The following CADPS variants were observed in gnomAD, a reference collection of about 807,000 sequenced individuals.
The protein encoded by CADPS is calcium-dependent secretion activator 1.
CADPS carries 57 observed loss-of-function variants against 167.3 expected under a neutral mutation model. The observed-to-expected ratio is 0.34, with a 90% CI of 0.28 to 0.42. The LOEUF is 0.42. Ranked by LOEUF, CADPS falls within the 20% of genes least tolerant of loss-of-function variation. CADPS has a pLI of 1.00. For synonymous variants in CADPS, 676 were observed against 635.3 expected (o/e 1.06, Z -0.96); for missense variants, 1,414 against 1,738.1 (o/e 0.81, Z 3.32).
intron 6 of CADPS, among the ~76,000 whole-genome samples, chr3:62,611,169 C>T (rs1050776940): frequency 6.6e-6 from 1 of 152,164 alleles, no homozygotes; most frequent in Non-Finnish European, 1.5e-5. Flanking sequence ...TCTTCCCCAT[C>T]CCAAACCTAC....
chr3:62,529,671 C>A (rs1490331839), intron 13 of CADPS, among the ~76,000 whole-genome samples: 2 of 152,164 alleles, frequency 1.3e-5, no homozygotes, highest in African/African-American at 4.8e-5. Context: ...CCTATTGGAC[C>A]CGCATATACT....
chr3:62,794,796 A>G (rs2093274787), intron 1 of CADPS, among the ~76,000 whole-genome samples: 1 of 151,648 alleles, frequency 6.6e-6, no homozygotes, highest in Non-Finnish European at 1.5e-5. Flanking sequence ...AAAAAAAAAA[A>G]AAAAAAATGC....
intron 3 of CADPS, among the ~76,000 whole-genome samples, chr3:62,677,240 C>T (rs895153560): frequency 6.6e-6 from 1 of 152,002 alleles, no homozygotes; most frequent in South Asian, 2.1e-4. Flanking sequence ...CAAGTCTCCC[C>T]CAACCAGTCT....
chr3:62,471,481 G>A (rs996563172), intron 24 of CADPS, among the ~76,000 whole-genome samples: 5 of 152,088 alleles, frequency 3.3e-5, no homozygotes, highest in Middle Eastern at 3.2e-3. Context: ...GTTTGTGACA[G>A]CAACTCCCAC....
At chr3:62,475,087 A>G (rs2061097591) in intron 23 of CADPS, among the ~76,000 whole-genome samples, 1 of 152,244 alleles carries the variant, frequency 6.6e-6, no homozygotes, top group Non-Finnish European at 1.5e-5. Context: ...CTTAATATAC[A>G]TATACAAATT....
At position 62,667,018 on chromosome 3, in the gene CADPS, C is replaced by T. The variant is rs188642691; in HGVS notation, c.889-4624G>A. On this transcript the variant is annotated intron_variant, in intron 3 of 29. Coordinates refer to ENST00000383710, the MANE Select transcript of CADPS (RefSeq NM_003716.4). ...GCTGCATTGTCCAAGGGAAGTCAGA[C>T]CGACTTGGTTCCAATCTTGTTTTTT... Among the ~76,000 whole-genome samples, 144 of 149,190 alleles carry T rather than the reference C, an allele frequency of 9.7e-4. 1 individual carries two copies. The highest frequency in any genetic ancestry group is 3.5e-3 in the African/African-American group (144 of 40,644).
intron 21 of CADPS, among the ~76,000 whole-genome samples, chr3:62,485,696 T>C (rs1424596669): frequency 6.6e-6 from 1 of 152,194 alleles, no homozygotes; most frequent in Non-Finnish European, 1.5e-5. Flanking sequence ...CTTTAACAAA[T>C]ATGGCAATTA....
chr3:62,814,754 G>T (rs1479622737), intron 1 of CADPS, among the ~76,000 whole-genome samples: 2 of 152,058 alleles, frequency 1.3e-5, no homozygotes, highest in Non-Finnish European at 2.9e-5. Flanking sequence ...ATGAAGCTAG[G>T]GTATGCTTTA....
intron 13 of CADPS, among the ~76,000 whole-genome samples, chr3:62,518,976 T>A (rs1468377698): frequency 6.6e-6 from 1 of 152,186 alleles, no homozygotes; most frequent in Non-Finnish European, 1.5e-5. Context: ...CTTAAATAAA[T>A]GATTTCAGTT....
At chr3:62,534,898 C>T (rs967796716) in intron 12 of CADPS, among the ~76,000 whole-genome samples, 2 of 151,952 alleles carry the variant, frequency 1.3e-5, no homozygotes, top group African/African-American at 2.4e-5. Flanking sequence ...TAATTTTAAG[C>T]CTATAAGTAA....
intron 28 of CADPS, among the ~76,000 whole-genome samples, chr3:62,426,671 A>T (rs1020363313): frequency 1.3e-5 from 2 of 152,216 alleles, no homozygotes; most frequent in Non-Finnish European, 1.5e-5. Flanking sequence ...CCGATGTCAC[A>T]CAGCTAGTAA....
intron 9 of CADPS, among the ~76,000 whole-genome samples, 173 bp downstream of exon 9, chr3:62,570,699 T>C (rs1183939221): frequency 6.6e-6 from 1 of 152,202 alleles, no homozygotes. Flanking sequence ...CCTTTGGGTA[T>C]TGGAAATGTT....
intron 3 of CADPS, among the ~76,000 whole-genome samples, chr3:62,733,113 CA>C (rs2078254138): frequency 6.6e-6 from 1 of 152,158 alleles, no homozygotes; most frequent in Non-Finnish European, 1.5e-5. Flanking sequence ...AGCATACTTC[CA>C]ATTAACTTTC....
intron 7 of CADPS, among the ~76,000 whole-genome samples, chr3:62,591,784 T>C (rs964390359): frequency 1.3e-5 from 2 of 152,148 alleles, no homozygotes; most frequent in South Asian, 2.1e-4. Context: ...GATGTTTTGA[T>C]TGACAAAATA....
chr3:62,591,110 G>C (rs567960098), intron 7 of CADPS, among the ~76,000 whole-genome samples: 1 of 152,088 alleles, frequency 6.6e-6, no homozygotes, highest in Non-Finnish European at 1.5e-5. Flanking sequence ...CACCCGCCTC[G>C]GCCTCCTAAT....
intron 10 of CADPS, among the ~76,000 whole-genome samples, chr3:62,551,396 G>T (rs1481675676): frequency 6.6e-6 from 1 of 152,134 alleles, no homozygotes; most frequent in Non-Finnish European, 1.5e-5. Flanking sequence ...TCCATCTCCA[G>T]TTGCGGCCAT....
intron 1 of CADPS, among the ~76,000 whole-genome samples, chr3:62,862,980 T>G (rs1291066095): frequency 3.3e-5 from 5 of 152,256 alleles, no homozygotes; most frequent in Admixed American, 1.3e-4. Flanking sequence ...AATGAAGCAA[T>G]GAGATAATCT....
chr3:62,476,858 C>T (rs901213573), intron 23 of CADPS, among the ~76,000 whole-genome samples: 1 of 152,106 alleles, frequency 6.6e-6, no homozygotes, highest in Non-Finnish European at 1.5e-5. Flanking sequence ...ATGGTTTGGC[C>T]ATTGGAAAAG....
chr3:62,647,057 G>A (rs2068750415), intron 5 of CADPS, among the ~76,000 whole-genome samples: 5 of 152,116 alleles, frequency 3.3e-5, no homozygotes, highest in African/African-American at 4.8e-5. Context: ...ACAAGAGACC[G>A]GGGAGGGAGA....
Sources: allele counts gnomAD v4.1 joint callset (sites outside exome capture counted in the v4.1 genomes callset), GRCh38; gene constraint gnomAD v4.1.1; transcripts MANE v1.5; gene names NCBI Gene and HGNC (gene_info 2026-07-23, HGNC 2026-07-21).